Variants in MRTFB observed in about 807,000 individuals in gnomAD.
MRTFB encodes the protein myocardin related transcription factor B, also known as myocardin-related transcription factor B.
A neutral mutation model predicts 104.2 loss-of-function variants in MRTFB; 29 were observed. The ratio of observed to expected loss-of-function variants is 0.28; its 90% CI spans 0.21 to 0.38. The LOEUF (loss-of-function observed/expected upper bound fraction) is 0.38, where lower values mean the gene tolerates loss of function less well. Among genes scored for constraint, MRTFB ranks in the 10% least tolerant of loss-of-function variants. The probability of loss-of-function intolerance (pLI) is 1.00; values close to 1 mark genes in which losing one functional copy is unlikely to be tolerated. For missense variants in MRTFB, 1,270 were observed against 1,341.6 expected, an observed-to-expected ratio of 0.95 and a Z score of 0.83; for synonymous variants, 535 against 519.5, an observed-to-expected ratio of 1.03 and a Z score of -0.41.
chr16:14,037,270 C>A, the MRTFB span, among the ~76,000 whole-genome samples: 1 of 152,176 alleles, frequency 6.6e-6, no homozygotes, highest in African/African-American at 2.4e-5. Flanking sequence ...CTGTGAAGGA[C>A]CTGGCATATT....
At chr16:14,019,760 C>G in the MRTFB span, among the ~76,000 whole-genome samples, 108 of 152,168 alleles carry the variant, frequency 7.1e-4, 1 homozygote, top group Non-Finnish European at 3.1e-4. Context: ...TGACTGCGAA[C>G]AGCGTTAATC....
At chr16:14,197,266 G>T (rs897056867) in intron 3 of MRTFB, among the ~76,000 whole-genome samples, 1 of 152,134 alleles carries the variant, frequency 6.6e-6, no homozygotes, top group Non-Finnish European at 1.5e-5. Flanking sequence ...GAGCCATCGT[G>T]CCTGGCCAGT....
At chr16:14,146,485 C>A (rs1023933833) in intron 3 of MRTFB, among the ~76,000 whole-genome samples, 3 of 152,166 alleles carry the variant, frequency 2.0e-5, no homozygotes, top group Non-Finnish European at 4.4e-5. Flanking sequence ...TTTTTCAGTT[C>A]TTGAAATGAT....
At chr16:14,029,545 T>C in the MRTFB span, among the ~76,000 whole-genome samples, 6 of 141,136 alleles carry the variant, frequency 4.3e-5, no homozygotes, top group South Asian at 1.4e-3. Flanking sequence ...ATATATATAG[T>C]TAATTTTATA....
intron 2 of MRTFB, among the ~76,000 whole-genome samples, chr16:14,104,427 C>T (rs2035864697): frequency 6.6e-6 from 1 of 152,172 alleles, no homozygotes. Flanking sequence ...TACAAGGAAG[C>T]TTATCCAGTA....
chr16:14,245,279 A>T (rs186808440), intron 10 of MRTFB, among the ~76,000 whole-genome samples: 1 of 152,260 alleles, frequency 6.6e-6, no homozygotes, highest in Admixed American at 6.5e-5. Flanking sequence ...ATTCATGGCC[A>T]TTCTTGGTCC....
In MRTFB at chr16:14,266,406, T is replaced by C. The variant is rs1390040203; in HGVS notation, c.*4962T>C. ...GTCACATTATGTCTTAGCATCTCAC[T>C]TTATGAAAAAAAGGAGAAAGATACC... On this transcript the variant is annotated 3_prime_UTR_variant, in exon 17 of 17. Coordinates refer to ENST00000571589, the MANE Select transcript of MRTFB (RefSeq NM_001308142.2). The C allele has an allele frequency of 6.6e-6, 1 of 152,194 alleles. No homozygotes were observed. The highest frequency in any genetic ancestry group is 1.9e-4 in the East Asian group (1 of 5,200). 9.4% of individuals were successfully genotyped at this position (152,194 alleles called of 1,614,324 possible).
At chr16:14,088,451 T>G (rs2034856741) in intron 2 of MRTFB, among the ~76,000 whole-genome samples, 1 of 152,118 alleles carries the variant, frequency 6.6e-6, no homozygotes, top group Admixed American at 6.6e-5. Flanking sequence ...CTTTCTTCCC[T>G]CGGACAGGGA....
chr16:14,248,917 ACCT>A lies in MRTFB; in HGVS notation c.2248-5_2248-3del. ...ATTAAATTGATGTTTTTTTCAATTC[ACCT>A]CCTAGACTTCACCACAAGCAGGAAT... On this transcript the variant is annotated splice_region_variant and splice_polypyrimidine_tract_variant and intron_variant, in intron 12 of 16. Coordinates refer to ENST00000571589, the MANE Select transcript of MRTFB (RefSeq NM_001308142.2). 3 of 1,605,954 alleles carry A rather than the reference ACCT, an allele frequency of 1.9e-6. No individual in the cohort carries two copies. Among genetic ancestry groups the A allele is most frequent in the Non-Finnish European group, 2.5e-6 (3 of 1,177,524 alleles).
At position 14,261,442 on chromosome 16, in the gene MRTFB, T is replaced by C; in HGVS notation, c.3298T>C (p.Ter1100GlnextTer7). ...DPQDLPLPWD[*>Q] ...ACAGGACCTACCGCTGCCATGGGAC[T>C]AACGTCACAGATTTCTTTTCTGAGA... Residue 1100 changes from the stop codon to glutamine (Q), a stop_lost, in exon 17 of 17, where the codon TAA becomes CAA. Transcript: ENST00000571589. The C allele has an allele frequency of 6.3e-7, 1 of 1,583,356 alleles. No individual in the cohort carries two copies. Among genetic ancestry groups the C allele is most frequent in the Non-Finnish European group, 8.6e-7 (1 of 1,161,722 alleles).
rs754528082 is a variant in MRTFB at position 14,261,171 on chromosome 16, C to T, written c.3027C>T (p.Phe1009=). 62 of 1,614,122 alleles carry T rather than the reference C, an allele frequency of 3.8e-5. No homozygotes were observed. Among genetic ancestry groups the T allele is most frequent in the Non-Finnish European group, 4.8e-5 (57 of 1,180,062 alleles). Residue 1009 remains phenylalanine (F), a synonymous_variant, in exon 17 of 17, where the codon TTC becomes TTT. Transcript: ENST00000571589. ...LQSSSEDREP[F]SLIEDLQNDL... ...GCAGCAGTGAAGACAGAGAGCCCTT[C>T]TCTCTGATCGAGGACCTCCAGAATG...
chr16:14,165,816 T>C (rs1029466131), intron 3 of MRTFB, among the ~76,000 whole-genome samples: 1 of 152,238 alleles, frequency 6.6e-6, no homozygotes, highest in Admixed American at 6.5e-5. Context: ...AAACTTGAAT[T>C]TGTGATTACT....
the MRTFB span, among the ~76,000 whole-genome samples, chr16:14,046,193 G>A: frequency 6.6e-6 from 1 of 152,124 alleles, no homozygotes. Flanking sequence ...GGGTGTGGTG[G>A]TGCATGCTTA....
At chr16:14,154,958 A>G (rs1749427765) in intron 3 of MRTFB, among the ~76,000 whole-genome samples, 1 of 152,220 alleles carries the variant, frequency 6.6e-6, no homozygotes, top group Non-Finnish European at 1.5e-5. Context: ...TCGATTGATT[A>G]GAAGCAAATT....
intron 3 of MRTFB, among the ~76,000 whole-genome samples, chr16:14,146,680 A>G (rs575580780): frequency 2.0e-5 from 3 of 152,326 alleles, no homozygotes; most frequent in Admixed American, 6.5e-5. Context: ...TGAATGGCAT[A>G]TATTTAGAGC....
At chr16:14,003,765 A>G in the MRTFB span, among the ~76,000 whole-genome samples, 1 of 151,712 alleles carries the variant, frequency 6.6e-6, no homozygotes, top group African/African-American at 2.4e-5. Flanking sequence ...GGGGAAACTC[A>G]AAAGTATGCA....
At chr16:14,249,258 T>C (rs774250887) in intron 13 of MRTFB, among the ~76,000 whole-genome samples, 177 bp downstream of exon 13, 15 of 152,248 alleles carry the variant, frequency 9.9e-5, no homozygotes, top group Non-Finnish European at 1.9e-4. Context: ...TTCCCAGTTA[T>C]TTGGAATGGA....
chr16:14,075,051 T>G (rs970706234), intron 1 of MRTFB, among the ~76,000 whole-genome samples: 1 of 152,374 alleles, frequency 6.6e-6, no homozygotes, highest in Admixed American at 6.5e-5. Context: ...GATCCACTTA[T>G]AAATGAAAGT....
rs961411043 is a variant in MRTFB at position 14,259,450 on chromosome 16, G to C, written c.2764+1289G>C. ...TAATATCAGTAATAACGAGAACCAA[G>C]TTTTATATAGTTACAAGACTAGTTA... On this transcript the variant is annotated intron_variant, in intron 16 of 16. Coordinates refer to ENST00000571589, the MANE Select transcript of MRTFB (RefSeq NM_001308142.2). Among the ~76,000 whole-genome samples the C allele has an allele frequency of 3.3e-5, 5 of 151,664 alleles. No individual in the cohort carries two copies. The South Asian group carries it at 6.3e-4, about 19-fold the overall frequency.
Sources: allele counts gnomAD v4.1 joint callset (sites outside exome capture counted in the v4.1 genomes callset), GRCh38; gene constraint gnomAD v4.1.1; transcripts MANE v1.5; gene names NCBI Gene and HGNC (gene_info 2026-07-23, HGNC 2026-07-21).